The following ATP9A variants were observed in gnomAD, a reference collection of about 807,000 sequenced individuals.
ATP9A encodes probable phospholipid-transporting ATPase IIA.
ATP9A carries 52 observed loss-of-function variants against 144.1 expected under a neutral mutation model. The ratio of observed to expected loss-of-function variants is 0.36; its 90% CI spans 0.29 to 0.45. The LOEUF (loss-of-function observed/expected upper bound fraction) is 0.45, where lower values mean the gene tolerates loss of function less well. ATP9A is among the 20% of genes least tolerant of loss of function. The pLI, the probability that ATP9A is intolerant of heterozygous loss-of-function variation, is 1.00. For missense variants in ATP9A, 947 were observed against 1,392.7 expected (o/e 0.68, Z 5.09); for synonymous variants, 582 against 557.4 (o/e 1.04, Z -0.62).
At chr20:51,713,540 G>C (rs1324432593) in intron 3 of ATP9A, among the ~76,000 whole-genome samples, 1 of 152,180 alleles carries the variant, frequency 6.6e-6, no homozygotes, top group African/African-American at 2.4e-5. Flanking sequence ...GGCACAGAGA[G>C]GCTGAGTAAT....
chr20:51,726,312 TCAAAAA>T (rs2077712823), intron 2 of ATP9A, among the ~76,000 whole-genome samples: 1 of 28,542 alleles, frequency 3.5e-5, no homozygotes, highest in South Asian at 1.9e-3. Context: ...AAACTCTGTC[TCAAAAA>T]AAAAAAAAAA....
In ATP9A at chr20:51,671,288, C is replaced by T. The variant is rs796968878; in HGVS notation, c.1038-31G>A. 3.1e-6 allele frequency: 5 copies of T among 1,606,944 alleles called. No homozygotes were observed. The African/African-American group carries it at 5.3e-5, about 17-fold the overall frequency. ...CACAAAACCAGAGCAAACAGGCTAA[C>T]AGGACAGATGTAAGGCTCCTTGTAT... On this transcript the variant is annotated intron_variant, in intron 11 of 27. Coordinates refer to ENST00000338821, the MANE Select transcript of ATP9A (RefSeq NM_006045.3).
chr20:51,650,627 C>T (rs568881641), intron 14 of ATP9A, among the ~76,000 whole-genome samples: 1 of 152,142 alleles, frequency 6.6e-6, no homozygotes, highest in South Asian at 2.1e-4. Flanking sequence ...TGCAAGTATA[C>T]TCAGATATTA....
intron 27 of ATP9A, among the ~76,000 whole-genome samples, chr20:51,603,053 T>C (rs747098836): frequency 1.6e-4 from 23 of 139,488 alleles, no homozygotes; most frequent in Non-Finnish European, 3.0e-4. Context: ...CCACGGAGGA[T>C]GGGGCGTGAG....
intron 15 of ATP9A, among the ~76,000 whole-genome samples, chr20:51,634,682 C>T (rs929669466): frequency 6.6e-6 from 1 of 151,886 alleles, no homozygotes; most frequent in Non-Finnish European, 1.5e-5. Flanking sequence ...ATGGAGAAAC[C>T]CCATCTCTAC....
intron 18 of ATP9A, 122 bp downstream of exon 18, chr20:51,625,070 A>G: frequency 1.2e-6 from 1 of 858,162 alleles, no homozygotes; most frequent in Non-Finnish European, 1.7e-6. Context: ...CCCATTGCAG[A>G]TAAGGCACTC....
chr20:51,613,537 C>T (rs6067846), intron 23 of ATP9A, 140 bp downstream of exon 23: 97,520 of 992,846 alleles, frequency 0.098, 5,572 homozygotes, highest in Non-Finnish European at 0.11. Context: ...GGGGTGACAG[C>T]TCCAAAGCAT....
At chr20:51,654,724 G>A (rs574186789) in intron 14 of ATP9A, among the ~76,000 whole-genome samples, 1 of 152,248 alleles carries the variant, frequency 6.6e-6, no homozygotes, top group African/African-American at 2.4e-5. Flanking sequence ...GGGCAACATA[G>A]CAAGACCCCA....
intron 15 of ATP9A, among the ~76,000 whole-genome samples, chr20:51,633,274 C>T (rs548047912): frequency 4.2e-5 from 6 of 142,176 alleles, no homozygotes; most frequent in Non-Finnish European, 6.3e-5. Flanking sequence ...TTTAATAATA[C>T]GAAAAAATTC....
At chr20:51,748,640 G>T (rs2077818098) in intron 1 of ATP9A, among the ~76,000 whole-genome samples, 1 of 152,098 alleles carries the variant, frequency 6.6e-6, no homozygotes, top group South Asian at 2.1e-4. Flanking sequence ...GATCCAAGAT[G>T]GCATCACCTC....
At chr20:51,753,375 C>T (rs540198024) in intron 1 of ATP9A, among the ~76,000 whole-genome samples, 104 of 152,054 alleles carry the variant, frequency 6.8e-4, no homozygotes, top group Non-Finnish European at 1.2e-3. Flanking sequence ...CACTTGAACT[C>T]GGAAGGCGGA....
At chr20:51,631,312 T>C (rs777444990) in intron 15 of ATP9A, among the ~76,000 whole-genome samples, 1 of 152,194 alleles carries the variant, frequency 6.6e-6, no homozygotes, top group Admixed American at 6.5e-5. Flanking sequence ...CTGCACACTT[T>C]ATCTCTGATA....
intron 14 of ATP9A, among the ~76,000 whole-genome samples, chr20:51,656,162 G>T (rs117131213): frequency 3.2e-4 from 49 of 151,858 alleles, no homozygotes; most frequent in Non-Finnish European, 5.3e-4. Context: ...AGGAAAGTGG[G>T]TATAGAATTT....
intron 4 of ATP9A, among the ~76,000 whole-genome samples, chr20:51,704,533 C>A (rs1459092845): frequency 1.3e-5 from 2 of 152,128 alleles, no homozygotes; most frequent in Non-Finnish European, 2.9e-5. Context: ...GTAATCCCAG[C>A]ACTTTGGGAG....
At chr20:51,715,393 C>G (rs926778080) in intron 3 of ATP9A, among the ~76,000 whole-genome samples, 1 of 152,208 alleles carries the variant, frequency 6.6e-6, no homozygotes, top group African/African-American at 2.4e-5. Context: ...GGAGCACGTA[C>G]CCGGTGTGCA....
rs2077134479 is a variant in ATP9A, at chr20:51,599,797, T to TA, written c.*1413dup. The TA allele has an allele frequency of 6.6e-6, 1 of 151,776 alleles. No homozygotes were observed. The highest frequency in any genetic ancestry group is 2.4e-5 in the African/African-American group (1 of 41,016). 9.4% of individuals were successfully genotyped at this position (151,776 alleles called of 1,614,324 possible). On this transcript the variant is annotated 3_prime_UTR_variant, in exon 28 of 28. Transcript: ENST00000338821. Reference sequence around the variant, plus strand: ...CCAGGCAGAGGGTTTGAAGGATATGTATTCATCAAGAAGTAAACGCAAATC... The same window carrying TA: ...CCAGGCAGAGGGTTTGAAGGATATGTAATTCATCAAGAAGTAAACGCAAATC...
intron 26 of ATP9A, among the ~76,000 whole-genome samples, chr20:51,606,867 G>C (rs2077165745): frequency 6.6e-6 from 1 of 151,636 alleles, no homozygotes; most frequent in Admixed American, 6.6e-5. Flanking sequence ...AACAGAGTGA[G>C]ACCCTCCGCC....
chr20:51,740,273 G>C (rs951823367), intron 1 of ATP9A, among the ~76,000 whole-genome samples: 3 of 151,318 alleles, frequency 2.0e-5, no homozygotes, highest in East Asian at 4.0e-4. Context: ...GCCCAGGTTG[G>C]TCTCAAACTC....
intron 14 of ATP9A, among the ~76,000 whole-genome samples, chr20:51,651,056 A>G (rs961774651): frequency 1.3e-5 from 2 of 150,166 alleles, no homozygotes; most frequent in Non-Finnish European, 1.5e-5. Flanking sequence ...TCGGAAAGCC[A>G]TATGACTTTC....
Sources: allele counts gnomAD v4.1 joint callset (sites outside exome capture counted in the v4.1 genomes callset), GRCh38; gene constraint gnomAD v4.1.1; transcripts MANE v1.5; gene names NCBI Gene and HGNC (gene_info 2026-07-23, HGNC 2026-07-21).